Variants in ABCB4 observed in about 807,000 individuals in gnomAD.
ABCB4 encodes phosphatidylcholine translocator ABCB4.
A neutral mutation model predicts 145.7 loss-of-function variants in ABCB4; 76 were observed. That is an observed-to-expected ratio of 0.52 (90% CI 0.43 to 0.63). ABCB4 has a LOEUF of 0.63. Among genes scored for constraint, ABCB4 ranks in the 30% least tolerant of loss-of-function variants. The pLI is 0.00. For missense variants in ABCB4, 1,234 were observed against 1,553.1 expected, an observed-to-expected ratio of 0.79 and a Z score of 3.45; for synonymous variants, 517 against 566.8, an observed-to-expected ratio of 0.91 and a Z score of 1.25.
At chr7:87,439,636 G>A in intron 14 of ABCB4, 31 bp downstream of exon 14, 1 of 1,613,356 alleles carries the variant, frequency 6.2e-7, no homozygotes, top group South Asian at 1.1e-5. Flanking sequence ...TTTCAATGTG[G>A]TGGTCCTTCA....
chr7:87,457,411 A>G (rs1434634823), intron 4 of ABCB4, among the ~76,000 whole-genome samples: 1 of 152,166 alleles, frequency 6.6e-6, no homozygotes, highest in Non-Finnish European at 1.5e-5. Flanking sequence ...CCCTGTCTCA[A>G]AAAAGAAAAA....
rs1188808664 is a variant in ABCB4, at chr7:87,403,511, C to T, written c.3487-230G>A. 4 of 541,828 alleles carry T rather than the reference C, an allele frequency of 7.4e-6. No homozygotes were observed. The East Asian group carries it at 1.3e-4, about 18-fold the overall frequency. The allele number at this position is 541,828 out of a possible 1,614,324, so 33.6% of individuals were successfully genotyped here. A position where few individuals can be genotyped will look rare whatever the true frequency, so the allele number is the denominator to read the frequency against. Reference sequence around the variant, plus strand: ...CTTTCTTTAAAATAGGAGGAGGATACTCTAAAATAACAAATGCTATAACGG... The same window carrying T: ...CTTTCTTTAAAATAGGAGGAGGATATTCTAAAATAACAAATGCTATAACGG... On this transcript the variant is annotated intron_variant, in intron 26 of 27. Coordinates refer to ENST00000649586, the MANE Select transcript of ABCB4 (RefSeq NM_000443.4).
At chr7:87,378,790 G>A in the ABCB4 span, among the ~76,000 whole-genome samples, 5 of 152,104 alleles carry the variant, frequency 3.3e-5, no homozygotes, top group Non-Finnish European at 7.4e-5. Context: ...GAATCTAGTG[G>A]GTAGAATCAG....
At chr7:87,422,803 T>G (rs1562961948) in intron 17 of ABCB4, among the ~76,000 whole-genome samples, 1 of 152,174 alleles carries the variant, frequency 6.6e-6, no homozygotes, top group Non-Finnish European at 1.5e-5. Context: ...TTAAAACTCT[T>G]GTTATCCCTC....
At chr7:87,404,995 G>A (rs1808073976) in intron 26 of ABCB4, among the ~76,000 whole-genome samples, 1 of 152,158 alleles carries the variant, frequency 6.6e-6, no homozygotes, top group African/African-American at 2.4e-5. Context: ...TTGCCATACT[G>A]CTCCACAATT....
At chr7:87,466,604 C>T (rs535726182) in intron 3 of ABCB4, among the ~76,000 whole-genome samples, 7 of 152,184 alleles carry the variant, frequency 4.6e-5, no homozygotes, top group Admixed American at 6.5e-5. Flanking sequence ...TTGTCAGATT[C>T]GCCAAAGTTG....
intron 24 of ABCB4, 114 bp from the exon 25 acceptor site, chr7:87,408,348 A>G: frequency 8.9e-7 from 1 of 1,119,290 alleles, no homozygotes; most frequent in Non-Finnish European, 1.3e-6. Context: ...TAAAATTCAT[A>G]TTTGGTATAG....
In ABCB4 at chr7:87,408,041, G is replaced by T; in HGVS notation, c.3275C>A (p.Thr1092Lys). 1 of 1,613,616 alleles carries T rather than the reference G, an allele frequency of 6.2e-7. No homozygotes were observed. Among genetic ancestry groups the T allele is most frequent in the Non-Finnish European group, 8.5e-7 (1 of 1,180,004 alleles). ...GTTATAAGGAAATGTGCTCACCACT[G>T]TCCCCGCCAAGGGGTCGTAGAACCG... ...LERFYDPLAGTVLLDGQEAKK... is the reference protein window; with the variant it reads ...LERFYDPLAGKVLLDGQEAKK... Residue 1092 changes from threonine (T) to lysine (K), a missense_variant, in exon 25 of 28, where the codon ACA becomes AAA. Coordinates refer to ENST00000649586, the MANE Select transcript of ABCB4 (RefSeq NM_000443.4).
the ABCB4 span, among the ~76,000 whole-genome samples, chr7:87,376,415 A>G: frequency 2.0e-5 from 3 of 152,050 alleles, no homozygotes; most frequent in South Asian, 2.1e-4. Flanking sequence ...TGCTGAACAC[A>G]TTGATGTCAG....
chr7:87,370,431 C>T, the ABCB4 span, among the ~76,000 whole-genome samples: 1 of 152,180 alleles, frequency 6.6e-6, no homozygotes, highest in Admixed American at 6.5e-5. Context: ...AATCCGCCTG[C>T]CTTGGCCTCC....
chr7:87,409,150 A>T, intron 24 of ABCB4, 86 bp downstream of exon 24: 7 of 1,508,676 alleles, frequency 4.6e-6, no homozygotes, highest in Non-Finnish European at 2.8e-6. Flanking sequence ...TGTAATCATC[A>T]CAAACTTATC....
downstream of ABCB4, among the ~76,000 whole-genome samples, chr7:87,401,016 T>C (rs1807755768): frequency 1.3e-5 from 2 of 152,224 alleles, no homozygotes; most frequent in South Asian, 4.1e-4. Context: ...TGTTTACGAA[T>C]AGATGCCCCA....
intron 3 of ABCB4, among the ~76,000 whole-genome samples, chr7:87,471,221 G>T (rs1396305610): frequency 6.6e-6 from 1 of 151,992 alleles, no homozygotes; most frequent in East Asian, 1.9e-4. Flanking sequence ...ATTGTGGGGT[G>T]GGGGGATGGG....
In ABCB4 at chr7:87,472,301, C is replaced by T. The variant is rs1005379927; in HGVS notation, c.135+320G>A. On this transcript the variant is annotated intron_variant, in intron 3 of 27. Transcript: ENST00000649586. ...TGGTGTGATCATAACTCACTGCAGC[C>T]TCAGACTCCTAAGACCCTCCTGCCT... is the stretch of plus-strand genomic sequence containing the variant. Among the ~76,000 whole-genome samples, 3 of 152,166 alleles carry T rather than the reference C, an allele frequency of 2.0e-5. No individual in the cohort carries two copies. The East Asian group carries it at 5.8e-4, about 29-fold the overall frequency.
At chr7:87,383,986 A>G in the ABCB4 span, among the ~76,000 whole-genome samples, 560 of 151,684 alleles carry the variant, frequency 3.7e-3, 3 homozygotes, top group African/African-American at 0.013. Context: ...TAGTTTTGTG[A>G]GGCACTTTCA....
intron 6 of ABCB4, among the ~76,000 whole-genome samples, chr7:87,452,100 G>A (rs1562988536): frequency 1.3e-5 from 2 of 152,182 alleles, no homozygotes; most frequent in Admixed American, 6.5e-5. Flanking sequence ...GAATTAAGAA[G>A]AACATTGCAA....
At chr7:87,389,372 C>G in the ABCB4 span, among the ~76,000 whole-genome samples, 2 of 152,130 alleles carry the variant, frequency 1.3e-5, no homozygotes, top group African/African-American at 4.8e-5. Flanking sequence ...TGGAACCAAC[C>G]TAAGTGCCCA....
chr7:87,386,439 T>G, the ABCB4 span, among the ~76,000 whole-genome samples: 1 of 152,212 alleles, frequency 6.6e-6, no homozygotes, highest in African/African-American at 2.4e-5. Context: ...TTTTCCAATT[T>G]GTTGGCATAT....
chr7:87,425,457 C>T (rs1809742393), intron 16 of ABCB4, among the ~76,000 whole-genome samples: 1 of 152,110 alleles, frequency 6.6e-6, no homozygotes, highest in Non-Finnish European at 1.5e-5. Flanking sequence ...AAGATTAAGA[C>T]CTCTAAGAGA....
Sources: gnomAD v4.1 joint callset for allele counts (sites outside exome capture counted in the v4.1 genomes callset) on GRCh38, gnomAD v4.1.1 for gene constraint, MANE v1.5 for transcripts, NCBI Gene and HGNC (gene_info 2026-07-23, HGNC 2026-07-21) for gene names.